Variants in LHFPL3 observed in about 807,000 individuals in gnomAD.
LHFPL3 encodes LHFPL tetraspan subfamily member 3 protein.
LHFPL3 carries 5 observed loss-of-function variants against 19.3 expected under a neutral mutation model. The ratio of observed to expected loss-of-function variants is 0.26; its 90% CI spans 0.14 to 0.54. The LOEUF is 0.54. Among genes scored for constraint, LHFPL3 ranks in the 20% least tolerant of loss-of-function variants. The probability of loss-of-function intolerance (pLI) is 0.94; values close to 1 mark genes in which losing one functional copy is unlikely to be tolerated. For synonymous variants in LHFPL3, 133 were observed against 126.2 expected, an observed-to-expected ratio of 1.05 and a Z score of -0.36; for missense variants, 249 against 307.4, an observed-to-expected ratio of 0.81 and a Z score of 1.42.
intron 2 of LHFPL3, among the ~76,000 whole-genome samples, chr7:104,894,142 C>G (rs1192972541): frequency 6.6e-6 from 1 of 152,106 alleles, no homozygotes; most frequent in Non-Finnish European, 1.5e-5. Context: ...ACCTAATCTG[C>G]CTTTGCTCTT....
chr7:104,738,387 G>A (rs1242401475), intron 2 of LHFPL3, among the ~76,000 whole-genome samples: 4 of 152,118 alleles, frequency 2.6e-5, no homozygotes, highest in Non-Finnish European at 5.9e-5. Flanking sequence ...TAATGGTAAG[G>A]AGAATTCAAT....
chr7:104,900,575 C>T (rs930082340), intron 2 of LHFPL3, among the ~76,000 whole-genome samples: 5 of 152,082 alleles, frequency 3.3e-5, no homozygotes, highest in African/African-American at 1.2e-4. Flanking sequence ...TATGTCAGAT[C>T]CAAAGGGAGA....
At chr7:104,613,427 C>T (rs1791247132) in intron 1 of LHFPL3, among the ~76,000 whole-genome samples, 1 of 152,130 alleles carries the variant, frequency 6.6e-6, no homozygotes, top group South Asian at 2.1e-4. Flanking sequence ...GTCCTCAATG[C>T]TGTTTAAATG....
chr7:104,813,607 G>A (rs1213850360), intron 2 of LHFPL3, among the ~76,000 whole-genome samples: 11 of 152,196 alleles, frequency 7.2e-5, no homozygotes, highest in Admixed American at 5.2e-4. Context: ...GTGTGAGTGA[G>A]TGTAGGGTCC....
At chr7:104,526,095 A>G (rs920895455) in intron 1 of LHFPL3, among the ~76,000 whole-genome samples, 5 of 152,102 alleles carry the variant, frequency 3.3e-5, no homozygotes, top group African/African-American at 1.2e-4. Context: ...ATTTTGATTG[A>G]TGTCACATGA....
chr7:104,490,207 C>A (rs1460423132), intron 1 of LHFPL3, among the ~76,000 whole-genome samples: 1 of 152,104 alleles, frequency 6.6e-6, no homozygotes, highest in African/African-American at 2.4e-5. Flanking sequence ...GATATTCTTG[C>A]CTAACCCTTT....
chr7:104,341,045 C>T (rs1789935704), intron 1 of LHFPL3, among the ~76,000 whole-genome samples: 2 of 152,146 alleles, frequency 1.3e-5, no homozygotes, highest in African/African-American at 4.8e-5. Flanking sequence ...TTCCTCTTCA[C>T]AGTTATCGAA....
intron 2 of LHFPL3, among the ~76,000 whole-genome samples, chr7:104,872,285 C>T (rs1018816853): frequency 2.6e-5 from 4 of 151,236 alleles, no homozygotes; most frequent in African/African-American, 9.7e-5. Context: ...TGCAGTGAGC[C>T]GAGATTGTGC....
intron 1 of LHFPL3, among the ~76,000 whole-genome samples, chr7:104,378,367 CTGT>C (rs1790758562): frequency 6.6e-6 from 1 of 152,134 alleles, no homozygotes; most frequent in Non-Finnish European, 1.5e-5. Context: ...TTTATTGAAG[CTGT>C]TGTTTTTATT....
chr7:104,789,865 A>G (rs1396800704), intron 2 of LHFPL3, among the ~76,000 whole-genome samples: 1 of 152,130 alleles, frequency 6.6e-6, no homozygotes, highest in Admixed American at 6.6e-5. Context: ...TCCCTTTAAC[A>G]AGACTCTTGT....
At chr7:104,469,088 C>A (rs1274927557) in intron 1 of LHFPL3, among the ~76,000 whole-genome samples, 1 of 152,162 alleles carries the variant, frequency 6.6e-6, no homozygotes, top group African/African-American at 2.4e-5. Flanking sequence ...AACCTTTGCC[C>A]AGTGGACATA....
intron 2 of LHFPL3, among the ~76,000 whole-genome samples, chr7:104,891,799 G>A (rs1792251103): frequency 6.6e-6 from 1 of 152,184 alleles, no homozygotes; most frequent in Non-Finnish European, 1.5e-5. Context: ...TCCTGTCTGT[G>A]ACAGCCACCA....
At chr7:104,584,468 AT>A (rs1420264820) in intron 1 of LHFPL3, among the ~76,000 whole-genome samples, 1 of 151,462 alleles carries the variant, frequency 6.6e-6, no homozygotes, top group African/African-American at 2.4e-5. Context: ...TAATAATAAA[AT>A]TTTTTAAAAA....
At chr7:104,868,885 T>C (rs1584587249) in intron 2 of LHFPL3, among the ~76,000 whole-genome samples, 1 of 152,028 alleles carries the variant, frequency 6.6e-6, no homozygotes. Flanking sequence ...GAGATATAGA[T>C]CAATGGAACA....
At chr7:104,563,285 C>T (rs566587255) in intron 1 of LHFPL3, among the ~76,000 whole-genome samples, 5,069 of 151,318 alleles carry the variant, frequency 0.033, 5 homozygotes, top group African/African-American at 0.12. Flanking sequence ...CCCAGCCTCG[C>T]TGCCGCCTTG....
At chr7:104,615,634 A>C (rs911297553) in intron 1 of LHFPL3, among the ~76,000 whole-genome samples, 1 of 152,130 alleles carries the variant, frequency 6.6e-6, no homozygotes, top group African/African-American at 2.4e-5. Context: ...TCAACCCATC[A>C]TCTACATTAG....
chr7:104,809,790 A>G (rs945908066), intron 2 of LHFPL3, among the ~76,000 whole-genome samples: 2 of 152,218 alleles, frequency 1.3e-5, no homozygotes, highest in Non-Finnish European at 2.9e-5. Context: ...AGTGTTAGCC[A>G]TTTAGTCATT....
At chr7:104,764,638 G>A (rs760038416) in intron 2 of LHFPL3, among the ~76,000 whole-genome samples, 12 of 152,036 alleles carry the variant, frequency 7.9e-5, no homozygotes, top group East Asian at 1.9e-4. Context: ...TGGAAACTGC[G>A]CCTTATACAG....
At chr7:104,698,334 A>C (rs983510713) in intron 1 of LHFPL3, among the ~76,000 whole-genome samples, 29 of 152,352 alleles carry the variant, frequency 1.9e-4, no homozygotes, top group African/African-American at 6.7e-4. Context: ...AAACTTACCA[A>C]TTAAAGTTAA....
Sources: allele counts gnomAD v4.1 joint callset (sites outside exome capture counted in the v4.1 genomes callset), GRCh38; gene constraint gnomAD v4.1.1; transcripts MANE v1.5; gene names NCBI Gene and HGNC (gene_info 2026-07-23, HGNC 2026-07-21).